ITGB8: variants seen among roughly 807,000 people sequenced by gnomAD.
The protein encoded by ITGB8 is integrin beta-8.
A neutral mutation model predicts 89.5 loss-of-function variants in ITGB8; 30 were observed. The ratio of observed to expected loss-of-function variants is 0.34; its 90% confidence interval spans 0.25 to 0.45. ITGB8 has a LOEUF of 0.45. ITGB8 is among the 20% of genes least tolerant of loss of function. ITGB8 has a pLI of 1.00. For missense variants in ITGB8, 836 were observed against 933.3 expected (o/e 0.90, Z 1.36); for synonymous variants, 335 against 320.4 (o/e 1.05, Z -0.49).
chr7:20,337,573 T>C (rs540749472), intron 1 of ITGB8, among the ~76,000 whole-genome samples: 5 of 152,342 alleles, frequency 3.3e-5, no homozygotes, highest in African/African-American at 1.2e-4. Flanking sequence ...GTTATTCCCA[T>C]TGTATAGGTA....
At position 20,394,924 on chromosome 7, in the gene ITGB8, T is replaced by A; in HGVS notation, c.1085T>A (p.Ile362Asn). Residue 362 changes from isoleucine to asparagine, a missense_variant, in exon 8 of 14, where the codon ATT (isoleucine) becomes AAT (asparagine). Physicochemically the swap from Ile to Asn is moderately radical, Grantham distance 149 (BLOSUM62 -3). This residue lies in a region of ITGB8 where 192 missense variants were observed against 267.1 expected (regional missense o/e 0.72). Transcript: ENST00000222573. ...KDLLPLLPGT[I>N]AGEIESKAAN... ...CTTCTACCCCTCTTGCCAGGCACCA[T>A]TGCTGGTGAAATAGAATCAAAGGCT... 1 of 1,613,366 alleles carries A rather than the reference T, an allele frequency of 6.2e-7. No homozygotes were observed. The highest frequency in any genetic ancestry group is 8.5e-7 in the Non-Finnish European group (1 of 1,179,302).
chr7:20,347,218 G>A, intron 1 of ITGB8, among the ~76,000 whole-genome samples: 1 of 152,212 alleles, frequency 6.6e-6, no homozygotes, highest in East Asian at 1.9e-4. Context: ...AAGGTATTTT[G>A]TTATGGCAGC....
In ITGB8 at chr7:20,410,628, T is replaced by C. The variant is rs1360196247; in HGVS notation, c.*631T>C. 6.6e-6 allele frequency: 1 copy of C among 152,586 alleles called. No individual in the cohort carries two copies. The highest frequency in any genetic ancestry group is 1.9e-4 in the East Asian group (1 of 5,204). The allele number at this position is 152,586 out of a possible 1,614,324, so 9.5% of individuals were successfully genotyped here. A position where few individuals can be genotyped will look rare whatever the true frequency, so the allele number is the denominator to read the frequency against. On this transcript the variant is annotated 3_prime_UTR_variant, in exon 14 of 14. Coordinates refer to ENST00000222573, the MANE Select transcript of ITGB8 (RefSeq NM_002214.3). The stretch of plus-strand genomic sequence containing the variant: ...TTATTTTTGCAAGATGGATACTAAT[T>C]CCAGCATTCTCTCCTCTTTGCCTTT...
At chr7:20,333,959 A>C (rs1320119781) in intron 1 of ITGB8, among the ~76,000 whole-genome samples, 1 of 152,202 alleles carries the variant, frequency 6.6e-6, no homozygotes, top group Non-Finnish European at 1.5e-5. Flanking sequence ...AAATTTAGGT[A>C]TCAGTTACAA....
intron 9 of ITGB8, among the ~76,000 whole-genome samples, chr7:20,399,566 C>CAA (rs35575681): frequency 0.22 from 31,449 of 145,128 alleles, 4,240 homozygotes; most frequent in Non-Finnish European, 0.3. Context: ...CATCATTTAC[C>CAA]AAAAAAAAAA....
At chr7:20,345,932 T>C (rs987020794) in intron 1 of ITGB8, among the ~76,000 whole-genome samples, 2 of 152,152 alleles carry the variant, frequency 1.3e-5, no homozygotes, top group Non-Finnish European at 2.9e-5. Context: ...GGAATTGACA[T>C]AGGAGTATTG....
In ITGB8 at chr7:20,414,706, G is replaced by A. The variant is rs1045135507; in HGVS notation, c.*4709G>A. 3 of 152,308 alleles carry A rather than the reference G, an allele frequency of 2.0e-5. No individual in the cohort carries two copies. Among genetic ancestry groups the A allele is most frequent in the Non-Finnish European group, 2.9e-5 (2 of 67,948 alleles). The allele number at this position is 152,308 out of a possible 1,614,324, so 9.4% of individuals were successfully genotyped here. On this transcript the variant is annotated 3_prime_UTR_variant, in exon 14 of 14. Coordinates refer to ENST00000222573, the MANE Select transcript of ITGB8 (RefSeq NM_002214.3). ...CACTTTAACTTCAAGCTTATGTAACGACTGTTATAAAACTGCATATTTAAA... is the reference window on the plus strand; with the variant it reads ...CACTTTAACTTCAAGCTTATGTAACAACTGTTATAAAACTGCATATTTAAA...
chr7:20,395,293 T>C (rs536053543), intron 8 of ITGB8, among the ~76,000 whole-genome samples: 1 of 152,366 alleles, frequency 6.6e-6, no homozygotes, highest in East Asian at 1.9e-4. Context: ...ATGTACATTA[T>C]TACCATGAAA....
chr7:20,414,311 C>G lies in ITGB8; in HGVS notation c.*4314C>G, dbSNP rs1787863283. 6.6e-6 allele frequency: 1 copy of G among 152,122 alleles called. No individual in the cohort carries two copies. The highest frequency in any genetic ancestry group is 1.5e-5 in the Non-Finnish European group (1 of 67,986). 9.4% of individuals were successfully genotyped at this position (152,122 alleles called of 1,614,324 possible). On this transcript the variant is annotated 3_prime_UTR_variant, in exon 14 of 14. Coordinates refer to ENST00000222573, the MANE Select transcript of ITGB8 (RefSeq NM_002214.3). ...GATTATCAGCTCAGATCCCGCATAT[C>G]TTGAGTTTACAAAAGCTCTTTCAGG...
intron 2 of ITGB8, among the ~76,000 whole-genome samples, chr7:20,364,275 G>T (rs1785611604): frequency 6.6e-6 from 1 of 152,000 alleles, no homozygotes; most frequent in African/African-American, 2.4e-5. Flanking sequence ...CTAATCTGGG[G>T]TTTCTTCTTG....
chr7:20,370,767 T>C (rs955487575), intron 3 of ITGB8, among the ~76,000 whole-genome samples: 1 of 152,060 alleles, frequency 6.6e-6, no homozygotes. Context: ...CCTGCCACCA[T>C]GCCTGGCAAA....
chr7:20,345,152 A>C (rs1287941402), intron 1 of ITGB8, among the ~76,000 whole-genome samples: 1 of 152,198 alleles, frequency 6.6e-6, no homozygotes, highest in African/African-American at 2.4e-5. Flanking sequence ...CCAGGGCCTC[A>C]GGGAGGGAAA....
Position 20,410,210 on chromosome 7 carries a change from G to T in ITGB8, c.*213G>T. 1.9e-6 allele frequency: 1 copy of T among 540,244 alleles called. No individual in the cohort carries two copies. The highest frequency in any genetic ancestry group is 3.3e-6 in the Non-Finnish European group (1 of 303,280). The allele number at this position is 540,244 out of a possible 1,614,324, so 33.5% of individuals were successfully genotyped here. On this transcript the variant is annotated 3_prime_UTR_variant, in exon 14 of 14. Transcript: ENST00000222573. ...AGAAAAATGTGTCTTACTACTGTTT[G>T]AGACTAGTGTCGTTGTAGCACTTTA... is the stretch of plus-strand genomic sequence containing the variant.
At chr7:20,380,087 C>G (rs1786316643) in intron 4 of ITGB8, 1 of 152,466 alleles carries the variant, frequency 6.6e-6, no homozygotes, top group South Asian at 2.1e-4. Flanking sequence ...TGTACCGGAA[C>G]AGGATTGATG....
intron 1 of ITGB8, chr7:20,347,003 C>T (rs1202156488): frequency 3.9e-6 from 1 of 253,742 alleles, no homozygotes; most frequent in Non-Finnish European, 6.2e-6. Context: ...AGATAGGACC[C>T]TGGTGAATTG....
At chr7:20,409,514 C>A in intron 12 of ITGB8, 101 bp from the exon 13 acceptor site, 1 of 723,260 alleles carries the variant, frequency 1.4e-6, no homozygotes, top group South Asian at 2.3e-5. Context: ...TTGCAAATAT[C>A]TTTGGCACTA....
intron 1 of ITGB8, among the ~76,000 whole-genome samples, chr7:20,351,009 T>C (rs1785096317): frequency 1.3e-5 from 2 of 152,204 alleles, no homozygotes; most frequent in South Asian, 4.1e-4. Context: ...AAATGAATTC[T>C]GAAAAGGGTA....
At chr7:20,341,489 T>C (rs1784753645) in intron 1 of ITGB8, among the ~76,000 whole-genome samples, 1 of 151,970 alleles carries the variant, frequency 6.6e-6, no homozygotes, top group African/African-American at 2.4e-5. Context: ...ATACTGAAAA[T>C]ATGAGAACTA....
intron 5 of ITGB8, chr7:20,381,167 CTT>C (rs35466081): frequency 2.1e-3 from 333 of 159,674 alleles, no homozygotes; most frequent in Middle Eastern, 2.9e-3. Context: ...TGTTCTCCTA[CTT>C]TTTTTTTTTT....
Sources: allele counts gnomAD v4.1 joint callset (sites outside exome capture counted in the v4.1 genomes callset), GRCh38; gene constraint gnomAD v4.1.1; regional missense constraint gnomAD v4.1.1; transcripts MANE v1.5; gene names NCBI Gene and HGNC (gene_info 2026-07-23, HGNC 2026-07-21).